Variants in GPATCH11 observed in about 807,000 individuals in gnomAD.
GPATCH11 encodes the protein G-patch domain containing 11.
GPATCH11 carries 32 observed loss-of-function variants against 44.8 expected under a neutral mutation model. The observed-to-expected ratio is 0.71, with a 90% CI of 0.54 to 0.96. GPATCH11 has a LOEUF of 0.96. Ranked by LOEUF, GPATCH11 falls within the 40% of genes least tolerant of loss-of-function variation. GPATCH11 has a pLI of 0.00. For synonymous variants in GPATCH11, 84 were observed against 94.4 expected (o/e 0.89, Z 0.64); for missense variants, 324 against 303.1 (o/e 1.07, Z -0.51).
chr2:37,092,080 T>C (rs74474978), intron 5 of GPATCH11, 44 bp downstream of exon 5: 80,348 of 1,607,750 alleles, frequency 0.05, 2,232 homozygotes, highest in African/African-American at 0.056. Context: ...TTCCTCTTTA[T>C]TGTGGTATGT....
chr2:37,086,260 C>G (rs1673040354), intron 1 of GPATCH11, among the ~76,000 whole-genome samples: 1 of 152,152 alleles, frequency 6.6e-6, no homozygotes, highest in South Asian at 2.1e-4. Flanking sequence ...ATGTATTAAG[C>G]TGTACATTTG....
At position 37,096,523 on chromosome 2, in the gene GPATCH11, A is replaced by C. The variant is rs1286437018; in HGVS notation, c.*260A>C. On this transcript the variant is annotated 3_prime_UTR_variant, in exon 9 of 9. Transcript: ENST00000674370. ...TGTGATACGTGAGGGGTTTAAGGAC[A>C]CCAACAGGTAACTTCTTATTCCCCT... 1 of 357,790 alleles carries C rather than the reference A, an allele frequency of 2.8e-6. No individual in the cohort carries two copies. The highest frequency in any genetic ancestry group is 5.1e-6 in the Non-Finnish European group (1 of 197,590). 22.2% of individuals were successfully genotyped at this position (357,790 alleles called of 1,614,324 possible). A position where few individuals can be genotyped will look rare whatever the true frequency, so the allele number is the denominator to read the frequency against.
chr2:37,090,912 A>G (rs1673286533), intron 4 of GPATCH11, among the ~76,000 whole-genome samples, 190 bp downstream of exon 4: 1 of 152,234 alleles, frequency 6.6e-6, no homozygotes, highest in African/African-American at 2.4e-5. Flanking sequence ...TAAAATTTAA[A>G]CCACACGAAT....
intron 1 of GPATCH11, among the ~76,000 whole-genome samples, chr2:37,085,362 T>A (rs1572971531): frequency 6.6e-6 from 1 of 152,182 alleles, no homozygotes; most frequent in Non-Finnish European, 1.5e-5. Flanking sequence ...TTAGTGGTGG[T>A]TAAATGTGAT....
In GPATCH11 at chr2:37,088,355, T is replaced by G. The variant is rs773838374; in HGVS notation, c.-13-14T>G. The G allele has an allele frequency of 3.3e-5, 44 of 1,329,884 alleles. No individual in the cohort carries two copies. Among genetic ancestry groups the G allele is most frequent in the Non-Finnish European group, 4.5e-5 (43 of 964,448 alleles). The allele number at this position is 1,329,884 out of a possible 1,614,324, so 82.4% of individuals were successfully genotyped here. ...ATAAACTAAAAAAAAAAGTAATTAT[T>G]ACTTTATTTGTAGATACTATAGCCA... On this transcript the variant is annotated splice_polypyrimidine_tract_variant and intron_variant, in intron 1 of 8. Coordinates refer to ENST00000674370, the MANE Select transcript of GPATCH11 (RefSeq NM_174931.4).
intron 4 of GPATCH11, among the ~76,000 whole-genome samples, chr2:37,091,632 T>C (rs1253371168): frequency 6.6e-6 from 1 of 152,216 alleles, no homozygotes; most frequent in Non-Finnish European, 1.5e-5. Flanking sequence ...GAAAAAGATA[T>C]ATTTTATTCA....
rs1036462039 is a variant in GPATCH11 at position 37,084,563 on chromosome 2, G to C, written c.-21G>C. On this transcript the variant is annotated 5_prime_UTR_variant, in exon 1 of 9. Coordinates refer to ENST00000674370, the MANE Select transcript of GPATCH11 (RefSeq NM_174931.4). ...GGCGCTGAACCGGGGCGAGCAGAGA[G>C]CTGTCAGGTAAGAGAGCTGTCAGGT... 1 of 1,232,250 alleles carries C rather than the reference G, an allele frequency of 8.1e-7. No individual in the cohort carries two copies. The highest frequency in any genetic ancestry group is 1.0e-6 in the Non-Finnish European group (1 of 988,092). 76.3% of individuals were successfully genotyped at this position (1,232,250 alleles called of 1,614,324 possible).
intron 1 of GPATCH11, among the ~76,000 whole-genome samples, chr2:37,085,405 C>A (rs1316639188): frequency 6.6e-6 from 1 of 152,050 alleles, no homozygotes; most frequent in African/African-American, 2.4e-5. Flanking sequence ...AAGTGTTAAA[C>A]CATTATGTGT....
chr2:37,094,247 G>C, intron 7 of GPATCH11, 52 bp downstream of exon 7: 1 of 1,106,682 alleles, frequency 9.0e-7, no homozygotes, highest in Non-Finnish European at 1.3e-6. Flanking sequence ...GGCAACATTA[G>C]CACTTTGAGT....
rs1673619183 is a variant in GPATCH11, at chr2:37,096,980, C to G, written c.*717C>G. The stretch of plus-strand genomic sequence containing the variant: ...CCCTCAATAAGGCTGATGTCAGAGG[C>G]AATGTTCGACCAGTACTACTAAATT... On this transcript the variant is annotated 3_prime_UTR_variant, in exon 9 of 9. Transcript: ENST00000674370. The G allele has an allele frequency of 6.6e-6, 1 of 152,094 alleles. No individual in the cohort carries two copies. The highest frequency in any genetic ancestry group is 1.5e-5 in the Non-Finnish European group (1 of 68,026). The allele number at this position is 152,094 out of a possible 1,614,324, so 9.4% of individuals were successfully genotyped here.
At position 37,094,343 on chromosome 2, in the gene GPATCH11, T is replaced by A. The variant is rs1673472709; in HGVS notation, c.654+148T>A. The stretch of plus-strand genomic sequence containing the variant: ...CTGGCCCCTGCCCACCAGATACCAG[T>A]TGCACTTTTGCTTATGACAACCAAA... On this transcript the variant is annotated intron_variant, in intron 7 of 8. Coordinates refer to ENST00000674370, the MANE Select transcript of GPATCH11 (RefSeq NM_174931.4). The A allele has an allele frequency of 5.3e-6, 3 of 562,776 alleles. No homozygotes were observed. The South Asian group carries it at 6.3e-5, about 12-fold the overall frequency. The allele number at this position is 562,776 out of a possible 1,614,324, so 34.9% of individuals were successfully genotyped here.
At position 37,096,332 on chromosome 2, in the gene GPATCH11, G is replaced by T; in HGVS notation, c.*69G>T. 1.0e-6 allele frequency: 1 copy of T among 997,686 alleles called. No individual in the cohort carries two copies. Among genetic ancestry groups the T allele is most frequent in the South Asian group, 1.6e-5 (1 of 64,248 alleles). 61.8% of individuals were successfully genotyped at this position (997,686 alleles called of 1,614,324 possible). ...CCTAGGGATAGACAATTTAGCAGTT[G>T]GAAATCTCAAATTTTTTATGCCAGT... On this transcript the variant is annotated 3_prime_UTR_variant, in exon 9 of 9. Coordinates refer to ENST00000674370, the MANE Select transcript of GPATCH11 (RefSeq NM_174931.4).
At position 37,095,534 on chromosome 2, in the gene GPATCH11, T is replaced by C. The variant is rs1673534294; in HGVS notation, c.736+16T>C. On this transcript the variant is annotated intron_variant, in intron 8 of 8. Coordinates refer to ENST00000674370, the MANE Select transcript of GPATCH11 (RefSeq NM_174931.4). ...GCCTATGAAGGTAAGAAAATTACTTTATGCTTTTTAAAAATAGATGAATGC... is the reference window on the plus strand; with the variant it reads ...GCCTATGAAGGTAAGAAAATTACTTCATGCTTTTTAAAAATAGATGAATGC... 1 of 1,564,666 alleles carries C rather than the reference T, an allele frequency of 6.4e-7. No individual in the cohort carries two copies. The highest frequency in any genetic ancestry group is 8.6e-7 in the Non-Finnish European group (1 of 1,161,574).
chr2:37,085,086 A>T (rs550151871), intron 1 of GPATCH11, among the ~76,000 whole-genome samples: 1 of 152,320 alleles, frequency 6.6e-6, no homozygotes, highest in African/African-American at 2.4e-5. Context: ...CTGCCAGGGT[A>T]TCGCCTTGTG....
rs188657795 is a variant in GPATCH11 at position 37,099,019 on chromosome 2, C to A, written c.*2756C>A. 10 of 152,250 alleles carry A rather than the reference C, an allele frequency of 6.6e-5. No individual in the cohort carries two copies. Among genetic ancestry groups the A allele is most frequent in the Non-Finnish European group, 1.3e-4 (9 of 68,014 alleles). 9.4% of individuals were successfully genotyped at this position (152,250 alleles called of 1,614,324 possible). ...AAGAATTTTAAAATTTGTTGTAGAA[C>A]ATTAATACGAAATTTGAAACTGCAA... On this transcript the variant is annotated 3_prime_UTR_variant, in exon 9 of 9. Coordinates refer to ENST00000674370, the MANE Select transcript of GPATCH11 (RefSeq NM_174931.4).
intron 7 of GPATCH11, among the ~76,000 whole-genome samples, 164 bp from the exon 8 acceptor site, chr2:37,095,273 T>C (rs1364817246): frequency 6.6e-6 from 1 of 152,258 alleles, no homozygotes; most frequent in African/African-American, 2.4e-5. Flanking sequence ...GCTAATGAAC[T>C]GTAACACATT....
rs1439310089 is a variant in GPATCH11, at chr2:37,096,482, C to T, written c.*219C>T. The T allele has an allele frequency of 7.9e-6, 4 of 507,770 alleles. No individual in the cohort carries two copies. The highest frequency in any genetic ancestry group is 7.5e-5 in the East Asian group (2 of 26,732). 31.5% of individuals were successfully genotyped at this position (507,770 alleles called of 1,614,324 possible). ...CAAGTATCACAGAGATGGACAGTTA[C>T]AATTTATTGCTATATTGTGATACGT... On this transcript the variant is annotated 3_prime_UTR_variant, in exon 9 of 9. Transcript: ENST00000674370.
intron 6 of GPATCH11, among the ~76,000 whole-genome samples, chr2:37,093,331 C>T (rs1673423195): frequency 6.6e-6 from 1 of 151,634 alleles, no homozygotes; most frequent in Admixed American, 6.6e-5. Context: ...CCCAGCTCTA[C>T]AAAAAAAATA....
At chr2:37,095,391 G>C in intron 7 of GPATCH11, 46 bp from the exon 8 acceptor site, 2 of 1,558,014 alleles carry the variant, frequency 1.3e-6, no homozygotes. Context: ...AGAAAACCAA[G>C]GTTCTGTTCA....
Sources: gnomAD v4.1 joint callset for allele counts (sites outside exome capture counted in the v4.1 genomes callset) on GRCh38, gnomAD v4.1.1 for gene constraint, MANE v1.5 for transcripts, NCBI Gene and HGNC (gene_info 2026-07-23, HGNC 2026-07-21) for gene names.